Variants in BCL9 observed in about 807,000 individuals in gnomAD.
BCL9 encodes B-cell CLL/lymphoma 9 protein.
BCL9 carries 25 observed loss-of-function variants against 88.5 expected under a neutral mutation model. That is an observed-to-expected ratio of 0.28 (90% CI 0.21 to 0.39). BCL9 has a LOEUF of 0.39. Among genes scored for constraint, BCL9 ranks in the 10% least tolerant of loss-of-function variants. The pLI is 1.00. For synonymous variants in BCL9, 711 were observed against 673.3 expected (o/e 1.06, Z -0.87); for missense variants, 1,817 against 1,877.8 (o/e 0.97, Z 0.60).
chr1:147,602,091 G>A (rs1377181834), intron 1 of BCL9, among the ~76,000 whole-genome samples: 9 of 151,938 alleles, frequency 5.9e-5, no homozygotes, highest in Admixed American at 5.9e-4. Context: ...AGTAGAGATG[G>A]GGTTTCACCA....
chr1:147,625,103 C>A lies in BCL9; in HGVS notation c.*144C>A. 2.1e-6 allele frequency: 2 copies of A among 942,948 alleles called. No individual in the cohort carries two copies. The highest frequency in any genetic ancestry group is 3.0e-6 in the Non-Finnish European group (2 of 668,468). 58.4% of individuals were successfully genotyped at this position (942,948 alleles called of 1,614,324 possible). ...AGGGCTGCTTTGGGGGAGGGGGGAA[C>A]TCGAGAATGTATGGATTTACCTGAA... is the stretch of plus-strand genomic sequence containing the variant. On this transcript the variant is annotated 3_prime_UTR_variant, in exon 10 of 10. Transcript: ENST00000234739.
At chr1:147,606,202 A>G (rs1657694399) in intron 2 of BCL9, among the ~76,000 whole-genome samples, 1 of 152,190 alleles carries the variant, frequency 6.6e-6, no homozygotes, top group African/African-American at 2.4e-5. Context: ...AGCCAGCTCA[A>G]TTCAGTACCG....
intron 1 of BCL9, among the ~76,000 whole-genome samples, chr1:147,598,692 C>A (rs969302342): frequency 6.6e-6 from 1 of 152,220 alleles, no homozygotes; most frequent in Non-Finnish European, 1.5e-5. Flanking sequence ...TACACTCTAA[C>A]ATGGGCAGTC....
intron 6 of BCL9, among the ~76,000 whole-genome samples, chr1:147,615,296 G>C (rs181014794): frequency 6.6e-6 from 1 of 152,290 alleles, no homozygotes; most frequent in East Asian, 1.9e-4. Context: ...AATTCACAGA[G>C]ATAACTACTG....
In BCL9 at chr1:147,620,865, T is replaced by G. The variant is rs145145153; in HGVS notation, c.2710T>G (p.Ser904Ala). ...GMLAGPAAAASIKSPPVLGSA... is the reference protein window; with the variant it reads ...GMLAGPAAAAAIKSPPVLGSA... ...GCTGGCGGGCCCAGCTGCTGCTGCT[T>G]CCATTAAGTCCCCCCCTGTTTTGGG... The change falls in exon 8 of 10, where the codon TCC becomes GCC. Residue 904 changes from serine to alanine, a missense_variant. Ser to Ala is a moderately conservative substitution (Grantham distance 99, BLOSUM62 1). Coordinates refer to ENST00000234739, the MANE Select transcript of BCL9 (RefSeq NM_004326.4). The G allele has an allele frequency of 3.7e-6, 6 of 1,614,004 alleles. No individual in the cohort carries two copies. Among genetic ancestry groups the G allele is most frequent in the African/African-American group, 1.3e-5 (1 of 74,896 alleles).
At chr1:147,560,642 C>G (rs1553196005) in intron 1 of BCL9, among the ~76,000 whole-genome samples, 1 of 151,172 alleles carries the variant, frequency 6.6e-6, no homozygotes, top group African/African-American at 2.4e-5. Flanking sequence ...AGCAGTGGCT[C>G]ACTCCTGTAA....
chr1:147,625,047 A>T lies in BCL9; in HGVS notation c.*88A>T. On this transcript the variant is annotated 3_prime_UTR_variant, in exon 10 of 10. Transcript: ENST00000234739. ...TGAGGGAGTTCCAGGAGTACTTACT[A>T]TTGGTCATGCAATAGGAGAACAGAG... The T allele has an allele frequency of 6.7e-7, 1 of 1,488,950 alleles. No homozygotes were observed. Among genetic ancestry groups the T allele is most frequent in the Admixed American group, 2.1e-5 (1 of 48,134 alleles). 92.2% of individuals were successfully genotyped at this position (1,488,950 alleles called of 1,614,324 possible).
chr1:147,587,398 C>A (rs1363978561), intron 1 of BCL9, among the ~76,000 whole-genome samples: 3 of 152,208 alleles, frequency 2.0e-5, no homozygotes, highest in African/African-American at 7.2e-5. Flanking sequence ...CCGCCCCTCC[C>A]CCGGAACAGG....
intron 1 of BCL9, among the ~76,000 whole-genome samples, chr1:147,588,406 C>A (rs1371597344): frequency 3.3e-5 from 5 of 150,238 alleles, no homozygotes; most frequent in East Asian, 2.1e-4. Context: ...ATTTTTTACC[C>A]TTTATTTAAC....
At chr1:147,553,499 G>C (rs1410913863) in intron 1 of BCL9, among the ~76,000 whole-genome samples, 2 of 152,170 alleles carry the variant, frequency 1.3e-5, no homozygotes, top group East Asian at 3.9e-4. Flanking sequence ...GAGTAAACCA[G>C]AGGGTAAGGA....
chr1:147,546,755 C>T (rs1165867461), intron 1 of BCL9, among the ~76,000 whole-genome samples: 1 of 152,196 alleles, frequency 6.6e-6, no homozygotes, highest in Non-Finnish European at 1.5e-5. Context: ...CTATATCTAT[C>T]ATAGCGACTA....
intron 1 of BCL9, among the ~76,000 whole-genome samples, chr1:147,579,156 G>A (rs1255534429): frequency 3.3e-5 from 5 of 152,112 alleles, no homozygotes; most frequent in Admixed American, 6.6e-5. Context: ...GTGAGCCACC[G>A]CGCCCAGCTG....
chr1:147,569,098 A>C (rs1485498136), intron 1 of BCL9, among the ~76,000 whole-genome samples: 2 of 151,696 alleles, frequency 1.3e-5, no homozygotes, highest in Admixed American at 1.3e-4. Context: ...GAAGGAGAAC[A>C]CTCTTAGAAT....
chr1:147,609,291 T>C (rs1234659065), intron 3 of BCL9, among the ~76,000 whole-genome samples: 2 of 152,232 alleles, frequency 1.3e-5, no homozygotes, highest in Non-Finnish European at 2.9e-5. Context: ...GATTTTTTGC[T>C]CAGTCGTTTT....
At chr1:147,574,967 A>G (rs587633126) in intron 1 of BCL9, among the ~76,000 whole-genome samples, 12 of 152,302 alleles carry the variant, frequency 7.9e-5, no homozygotes, top group East Asian at 7.7e-4. Flanking sequence ...AAACAGAAGT[A>G]TATGGTTGAG....
In BCL9 at chr1:147,619,972, CTCCTGGCCAGGGCATTTTCAGCGG is replaced by C. The variant is rs782807576; in HGVS notation, c.1826_1849del (p.Gln609_Gly616del). 4.2e-5 allele frequency: 67 copies of C among 1,614,212 alleles called. No homozygotes were observed. Among genetic ancestry groups the C allele is most frequent in the Non-Finnish European group, 5.7e-5 (67 of 1,180,032 alleles). On this transcript the variant is annotated inframe_deletion, in exon 8 of 10. Transcript: ENST00000234739. This position sits in a 1 kb window ranked among gnomAD's most constrained non-coding sequence, Gnocchi z 4.1. ...AAAATCCCAGATGGTCGAAATTTTC[CTCCTGGCCAGGGCATTTTCAGCGG>C]TCCTGGCCGAGGGGAACGCTTCCCA...
At chr1:147,609,642 T>G (rs948623813) in intron 3 of BCL9, among the ~76,000 whole-genome samples, 1 of 152,250 alleles carries the variant, frequency 6.6e-6, no homozygotes, top group Non-Finnish European at 1.5e-5. Flanking sequence ...AGCATTATTA[T>G]TAGAAATAAT....
At chr1:147,551,453 C>T (rs1362904643) in intron 1 of BCL9, among the ~76,000 whole-genome samples, 2 of 152,132 alleles carry the variant, frequency 1.3e-5, no homozygotes, top group African/African-American at 4.8e-5. Flanking sequence ...ACTCTGAGTG[C>T]CATGGTTAGT....
At chr1:147,612,669 C>T (rs1282678990) in intron 4 of BCL9, among the ~76,000 whole-genome samples, 1 of 152,084 alleles carries the variant, frequency 6.6e-6, no homozygotes, top group Non-Finnish European at 1.5e-5. Context: ...GTTCCTGAAA[C>T]CTGGCAGGCC....
Sources: allele counts gnomAD v4.1 joint callset (sites outside exome capture counted in the v4.1 genomes callset), GRCh38; gene constraint gnomAD v4.1.1; non-coding constraint Gnocchi (gnomAD v3.1); transcripts MANE v1.5; gene names NCBI Gene and HGNC (gene_info 2026-07-23, HGNC 2026-07-21).